Variants in FMN1 observed in about 807,000 individuals in gnomAD.
FMN1 encodes formin 1.
FMN1 carries 110 observed loss-of-function variants against 132.4 expected under a neutral mutation model. That is an observed-to-expected ratio of 0.83 (90% CI 0.71 to 0.97). FMN1 has a LOEUF of 0.97. Among genes scored for constraint, FMN1 ranks in the 50% least tolerant of loss-of-function variants. FMN1 has a pLI of 0.00. For missense variants in FMN1, 1,792 were observed against 1,705.3 expected, an observed-to-expected ratio of 1.05 and a Z score of -0.90; for synonymous variants, 722 against 651.7, an observed-to-expected ratio of 1.11 and a Z score of -1.64.
intron 16 of FMN1, among the ~76,000 whole-genome samples, chr15:32,867,685 G>T (rs1321213810): frequency 6.6e-6 from 1 of 152,136 alleles, no homozygotes; most frequent in Non-Finnish European, 1.5e-5. Flanking sequence ...TAGAGACGGG[G>T]TTTCACCATG....
intron 3 of FMN1, among the ~76,000 whole-genome samples, chr15:33,156,280 T>G (rs1200895735): frequency 6.8e-6 from 1 of 146,780 alleles, no homozygotes; most frequent in African/African-American, 2.5e-5. Context: ...GTAGTTTTTT[T>G]TTTTTTTTTT....
At chr15:32,992,605 CAT>C (rs1242554704) in intron 7 of FMN1, among the ~76,000 whole-genome samples, 7 of 152,240 alleles carry the variant, frequency 4.6e-5, no homozygotes, top group East Asian at 3.9e-4. Context: ...TTCGATAAGA[CAT>C]ATGTTTAACA....
At chr15:32,816,759 C>A (rs2141077092) in intron 17 of FMN1, among the ~76,000 whole-genome samples, 1 of 152,274 alleles carries the variant, frequency 6.6e-6, no homozygotes, top group Middle Eastern at 3.4e-3. Flanking sequence ...AGAAAAACAA[C>A]CATTGTCACG....
chr15:32,852,856 T>TTCTTTA (rs1167452893), intron 17 of FMN1, among the ~76,000 whole-genome samples: 2 of 152,204 alleles, frequency 1.3e-5, no homozygotes, highest in African/African-American at 4.8e-5. Flanking sequence ...AAAGTTCAGA[T>TTCTTTA]TCTTTAGCAA....
At chr15:32,899,074 A>G (rs1435662601) in intron 14 of FMN1, among the ~76,000 whole-genome samples, 181 bp from the exon 15 acceptor site, 1 of 152,208 alleles carries the variant, frequency 6.6e-6, no homozygotes, top group Non-Finnish European at 1.5e-5. Context: ...GGCTACATAA[A>G]GAAATGACAC....
At chr15:33,071,412 A>G (rs2037995021) in intron 5 of FMN1, among the ~76,000 whole-genome samples, 1 of 152,192 alleles carries the variant, frequency 6.6e-6, no homozygotes. Context: ...CATGACTTCT[A>G]TTAAGAAGAC....
chr15:32,967,787 T>A (rs1359425535), intron 8 of FMN1, among the ~76,000 whole-genome samples: 4 of 152,236 alleles, frequency 2.6e-5, no homozygotes, highest in African/African-American at 9.6e-5. Context: ...GTGTGTTATT[T>A]TGTTTCATAT....
At chr15:32,776,954 G>T in intron 19 of FMN1, 35 bp from the exon 20 acceptor site, 1 of 1,301,430 alleles carries the variant, frequency 7.7e-7, no homozygotes. Flanking sequence ...AGGGGAGAGA[G>T]GGAAAAGAAA....
intron 6 of FMN1, among the ~76,000 whole-genome samples, chr15:33,033,703 TCA>T (rs1293788255): frequency 1.3e-5 from 2 of 151,668 alleles, no homozygotes; most frequent in Non-Finnish European, 1.5e-5. Flanking sequence ...GCAAAATCTC[TCA>T]AAGTCACCTA....
intron 9 of FMN1, among the ~76,000 whole-genome samples, chr15:32,958,168 A>C (rs2030046681): frequency 6.6e-6 from 1 of 152,204 alleles, no homozygotes; most frequent in Non-Finnish European, 1.5e-5. Flanking sequence ...AAGACTCTGA[A>C]GAAAACCATG....
intron 4 of FMN1, among the ~76,000 whole-genome samples, chr15:33,114,716 C>G (rs145996114): frequency 0.016 from 2,409 of 152,294 alleles, 36 homozygotes; most frequent in Non-Finnish European, 0.025. Flanking sequence ...AAACTATAAA[C>G]TCCATATTTC....
intron 13 of FMN1, among the ~76,000 whole-genome samples, chr15:32,900,765 CT>C (rs1296392291): frequency 6.6e-6 from 1 of 152,084 alleles, no homozygotes; most frequent in Non-Finnish European, 1.5e-5. Flanking sequence ...TTTGTTTGTC[CT>C]TTTATTTATT....
At chr15:33,016,876 G>A (rs1001600915) in intron 6 of FMN1, among the ~76,000 whole-genome samples, 8 of 152,150 alleles carry the variant, frequency 5.3e-5, no homozygotes, top group African/African-American at 1.9e-4. Context: ...AGTACTGTCT[G>A]TTGAACGCCA....
At chr15:33,026,128 CACACAG>C (rs2035658166) in intron 6 of FMN1, among the ~76,000 whole-genome samples, 1 of 117,938 alleles carries the variant, frequency 8.5e-6, no homozygotes, top group African/African-American at 3.0e-5. Flanking sequence ...CACACACACA[CACACAG>C]AGGTTGATTG....
chr15:32,827,439 G>A (rs1439398000), intron 17 of FMN1, among the ~76,000 whole-genome samples: 1 of 152,150 alleles, frequency 6.6e-6, no homozygotes, highest in Non-Finnish European at 1.5e-5. Flanking sequence ...CGTTCTAGAT[G>A]AAAATCATAA....
intron 17 of FMN1, chr15:32,810,989 C>T (rs1385220388): frequency 8.6e-5 from 39 of 456,126 alleles, no homozygotes; most frequent in African/African-American, 4.0e-5. Flanking sequence ...ACGTGGGATC[C>T]GTCTGATGTG....
rs2060133309 is a variant in FMN1, at chr15:32,895,542, C to T, written c.3714+3292G>A. On this transcript the variant is annotated intron_variant, in intron 15 of 20. Transcript: ENST00000616417. ...GATGTATAATTTGGTGAATCAACGG[C>T]AGGCTAAATATGAGTCCCATTTGAC... Among the ~76,000 whole-genome samples, 2 of 151,990 alleles carry T rather than the reference C, an allele frequency of 1.3e-5. 1 individual carries two copies. Among genetic ancestry groups the T allele is most frequent in the South Asian group, 4.2e-4 (2 of 4,816 alleles).
In FMN1 at chr15:32,889,847, T is replaced by C. The variant is rs185978680; in HGVS notation, c.3715-1555A>G. Among the ~76,000 whole-genome samples, 397 of 152,290 alleles carry C rather than the reference T, an allele frequency of 2.6e-3. 2 individuals are homozygous for C. The highest frequency in any genetic ancestry group is 9.4e-3 in the African/African-American group (389 of 41,556). Reference sequence around the variant, plus strand: ...CATGAGTAAGTTCTTTAGTGGTGATTTGTGAAATTTTGGTTCCCCTATCGC... The same window carrying C: ...CATGAGTAAGTTCTTTAGTGGTGATCTGTGAAATTTTGGTTCCCCTATCGC... On this transcript the variant is annotated intron_variant, in intron 15 of 20. Coordinates refer to ENST00000616417, the MANE Select transcript of FMN1 (RefSeq NM_001277313.2).
intron 7 of FMN1, among the ~76,000 whole-genome samples, chr15:32,982,494 G>T (rs73372983): frequency 1.3e-5 from 2 of 152,070 alleles, no homozygotes; most frequent in Non-Finnish European, 2.9e-5. Context: ...ATCAATAATA[G>T]CCTGTGATGG....
Sources: gnomAD v4.1 joint callset for allele counts (sites outside exome capture counted in the v4.1 genomes callset) on GRCh38, gnomAD v4.1.1 for gene constraint, MANE v1.5 for transcripts, NCBI Gene and HGNC (gene_info 2026-07-23, HGNC 2026-07-21) for gene names.